SLC8A1: variants seen among roughly 807,000 people sequenced by gnomAD.
SLC8A1 encodes the protein sodium/calcium exchanger 1.
In SLC8A1, 18 loss-of-function variants were observed where a neutral mutation model predicts 68.3. The observed-to-expected ratio is 0.26, with a 90% confidence interval of 0.18 to 0.39. The LOEUF is 0.39. Among genes scored for constraint, SLC8A1 ranks in the 10% least tolerant of loss-of-function variants. The probability of loss-of-function intolerance (pLI) is 1.00; values close to 1 mark genes in which losing one functional copy is unlikely to be tolerated. For synonymous variants in SLC8A1, 475 were observed against 415.5 expected (o/e 1.14, Z -1.74); for missense variants, 985 against 1,156.7 (o/e 0.85, Z 2.15).
In SLC8A1 at chr2:40,347,582, G is replaced by A. The variant is rs557424340; in HGVS notation, c.1808+80891C>T. Among the ~76,000 whole-genome samples, 3 of 152,242 alleles carry A rather than the reference G, an allele frequency of 2.0e-5. No homozygotes were observed. In the East Asian group the frequency reaches 5.8e-4, roughly 29 times the overall value. ...AATACCCATTTTACAGAGGTGTTGG[G>A]AATATTCCATGAGAAAATCCATGAT... On this transcript the variant is annotated intron_variant, in intron 2 of 7. Coordinates refer to ENST00000406785, the Ensembl canonical transcript of SLC8A1.
At chr2:40,278,467 C>CAAACAAAACA (rs149146644) in intron 2 of SLC8A1, among the ~76,000 whole-genome samples, 1,658 of 150,750 alleles carry the variant, frequency 0.011, 29 homozygotes, top group African/African-American at 0.037. Context: ...GACTCTGTCT[C>CAAACAAAACA]AAACAAAACA....
intron 2 of SLC8A1, among the ~76,000 whole-genome samples, chr2:40,352,228 A>T (rs1211976397): frequency 1.3e-5 from 2 of 152,128 alleles, no homozygotes; most frequent in South Asian, 4.1e-4. Context: ...TGAACAATTC[A>T]ATTTAGGAAT....
In SLC8A1 at chr2:40,259,561, C is replaced by A. The variant is rs369262920; in HGVS notation, c.1809-81706G>T. On this transcript the variant is annotated intron_variant, in intron 2 of 7. Coordinates refer to ENST00000406785, the Ensembl canonical transcript of SLC8A1. The stretch of plus-strand genomic sequence containing the variant: ...AGTGATGCAACCAAGCTCACCACAA[C>A]CTTGAGCTCTTGGGCTCGAATAATC... 1.4e-3 allele frequency among the ~76,000 whole-genome samples: 214 copies of A among 152,216 alleles called. 1 individual carries two copies. The highest frequency in any genetic ancestry group is 4.9e-3 in the African/African-American group (202 of 41,528).
chr2:40,285,205 A>G (rs572442942), intron 2 of SLC8A1, among the ~76,000 whole-genome samples: 1 of 152,298 alleles, frequency 6.6e-6, no homozygotes, highest in Non-Finnish European at 1.5e-5. Context: ...AGTTAGAGAC[A>G]GACAAAGTGG....
At chr2:40,402,590 G>C (rs1253748472) in intron 2 of SLC8A1, among the ~76,000 whole-genome samples, 3 of 152,138 alleles carry the variant, frequency 2.0e-5, no homozygotes, top group Admixed American at 6.5e-5. Flanking sequence ...GGCTTTTATT[G>C]ATTGAAACAT....
chr2:40,330,983 A>T (rs1054564768), intron 2 of SLC8A1, among the ~76,000 whole-genome samples: 14 of 152,340 alleles, frequency 9.2e-5, no homozygotes, highest in Admixed American at 6.5e-5. Context: ...GACAATAAAT[A>T]CTTTCTTTCT....
At position 40,274,955 on chromosome 2, in the gene SLC8A1, C is replaced by T. The variant is rs568488600; in HGVS notation, c.1809-97100G>A. Among the ~76,000 whole-genome samples the T allele has an allele frequency of 2.4e-4, 36 of 152,284 alleles. No individual in the cohort carries two copies. In the South Asian group the frequency reaches 3.7e-3, roughly 16 times the overall value. On this transcript the variant is annotated intron_variant, in intron 2 of 7. Coordinates refer to ENST00000406785, the Ensembl canonical transcript of SLC8A1. ...CAAAATTATAATGGCACAGACTGCC[C>T]ATTTCCTACCAGCAGTAGGTTGACT...
At chr2:40,305,591 T>A (rs1264949322) in intron 2 of SLC8A1, among the ~76,000 whole-genome samples, 1 of 152,192 alleles carries the variant, frequency 6.6e-6, no homozygotes, top group Non-Finnish European at 1.5e-5. Flanking sequence ...TGACACAGTG[T>A]GTGCTCAATA....
intron 2 of SLC8A1, among the ~76,000 whole-genome samples, chr2:40,425,884 C>G (rs910691759): frequency 6.6e-6 from 1 of 151,870 alleles, no homozygotes; most frequent in Admixed American, 6.6e-5. Flanking sequence ...GGGTATATAC[C>G]CAAAGAAATA....
At chr2:40,384,745 A>G (rs936171112) in intron 2 of SLC8A1, among the ~76,000 whole-genome samples, 4 of 152,124 alleles carry the variant, frequency 2.6e-5, no homozygotes, top group African/African-American at 9.7e-5. Context: ...AAAAATATTT[A>G]AAAACCTAAT....
rs1356097344 is a variant in SLC8A1 at position 40,211,415 on chromosome 2, A to ATGAT, written c.1809-33564_1809-33561dup. Among the ~76,000 whole-genome samples the ATGAT allele has an allele frequency of 2.0e-5, 3 of 152,238 alleles. No individual in the cohort carries two copies. In the East Asian group the frequency reaches 5.8e-4, roughly 29 times the overall value. On this transcript the variant is annotated intron_variant, in intron 2 of 7. Transcript: ENST00000406785. ...AAATGTAGACCTGAAGTTTACAAAA[A>ATGAT]TGATTAGAGCTAAAGGTATAGATGG...
At chr2:40,140,834 G>GAT (rs60846450) in intron 6 of SLC8A1, among the ~76,000 whole-genome samples, 43 of 151,834 alleles carry the variant, frequency 2.8e-4, no homozygotes, top group Non-Finnish European at 5.9e-4. Flanking sequence ...GCAATTACCT[G>GAT]ATATATATAT....
At chr2:40,249,125 A>G (rs1445551055) in intron 2 of SLC8A1, among the ~76,000 whole-genome samples, 1 of 152,204 alleles carries the variant, frequency 6.6e-6, no homozygotes, top group African/African-American at 2.4e-5. Context: ...CATCAAGTTC[A>G]TTGATTAAGC....
At chr2:40,161,959 C>G (rs548155913) in intron 5 of SLC8A1, among the ~76,000 whole-genome samples, 1 of 152,260 alleles carries the variant, frequency 6.6e-6, no homozygotes, top group East Asian at 1.9e-4. Flanking sequence ...AAGCAAAATG[C>G]TATCTAAAGG....
At chr2:40,330,538 T>C (rs796178222) in intron 2 of SLC8A1, among the ~76,000 whole-genome samples, 5 of 152,298 alleles carry the variant, frequency 3.3e-5, no homozygotes, top group African/African-American at 1.2e-4. Flanking sequence ...TAGTCATTTC[T>C]GATGTTTTCC....
Position 40,393,956 on chromosome 2 carries a change from A to G in SLC8A1, c.1808+34517T>C, listed in dbSNP as rs140807538. On this transcript the variant is annotated intron_variant, in intron 2 of 7. Transcript: ENST00000406785. ...CTGAGAACACAGCTGGGTTACTTGA[A>G]ACCAGTAGCTCTAAACCAGTGGTGA... Among the ~76,000 whole-genome samples the G allele has an allele frequency of 4.6e-3, 706 of 152,188 alleles. 4 individuals carry two copies. The highest frequency in any genetic ancestry group is 8.0e-3 in the Non-Finnish European group (544 of 68,002).
intron 3 of SLC8A1, 28 bp from the exon 5 acceptor site, chr2:40,174,870 G>C: frequency 6.2e-7 from 1 of 1,600,604 alleles, no homozygotes; most frequent in Non-Finnish European, 8.6e-7. Flanking sequence ...AACAACAAAT[G>C]TTATAATTTG....
intron 2 of SLC8A1, among the ~76,000 whole-genome samples, chr2:40,385,026 TAAAATAC>T (rs1344354156): frequency 1.3e-5 from 2 of 152,072 alleles, no homozygotes; most frequent in African/African-American, 4.8e-5. Flanking sequence ...TACTTTCTTA[TAAAATAC>T]ATTTCTAAAA....
chr2:40,312,541 TAAATATAAATA>T (rs1190731770), intron 2 of SLC8A1, among the ~76,000 whole-genome samples: 1 of 151,702 alleles, frequency 6.6e-6, no homozygotes, highest in Non-Finnish European at 1.5e-5. Context: ...AGTACAAGTA[TAAATATAAATA>T]AAATATACAG....
Sources: gnomAD v4.1 joint callset for allele counts (sites outside exome capture counted in the v4.1 genomes callset) on GRCh38, gnomAD v4.1.1 for gene constraint, MANE v1.5 for transcripts, NCBI Gene and HGNC (gene_info 2026-07-23, HGNC 2026-07-21) for gene names.